The following GALNT7 variants were observed in gnomAD, a reference collection of about 807,000 sequenced individuals.
The protein encoded by GALNT7 is N-acetylgalactosaminyltransferase 7.
In GALNT7, 60 loss-of-function variants were observed where a neutral mutation model predicts 82.1. The observed-to-expected ratio is 0.73, with a 90% CI of 0.59 to 0.91. The LOEUF (loss-of-function observed/expected upper bound fraction) is 0.91. GALNT7 is among the 40% of genes least tolerant of loss of function. The pLI is 0.00. For synonymous variants in GALNT7, 243 were observed against 275.1 expected, an observed-to-expected ratio of 0.88 and a Z score of 1.15; for missense variants, 660 against 804.2, an observed-to-expected ratio of 0.82 and a Z score of 2.17.
intron 1 of GALNT7, among the ~76,000 whole-genome samples, chr4:173,202,961 A>T (rs996077331): frequency 6.6e-6 from 1 of 151,916 alleles, no homozygotes; most frequent in African/African-American, 2.4e-5. Flanking sequence ...ATTTTATCTG[A>T]TACAAATATA....
intron 1 of GALNT7, among the ~76,000 whole-genome samples, chr4:173,224,569 A>G (rs1733742757): frequency 6.6e-6 from 1 of 152,204 alleles, no homozygotes; most frequent in African/African-American, 2.4e-5. Context: ...TTTAACATTA[A>G]TTTTAAAAAT....
At chr4:173,236,326 A>G (rs1734229745) in intron 1 of GALNT7, among the ~76,000 whole-genome samples, 2 of 152,218 alleles carry the variant, frequency 1.3e-5, no homozygotes, top group East Asian at 3.9e-4. Flanking sequence ...TGTTACTTCA[A>G]CATCATGACT....
At chr4:173,304,234 T>G (rs968204279) in intron 8 of GALNT7, 116 bp downstream of exon 8, 2 of 756,960 alleles carry the variant, frequency 2.6e-6, no homozygotes, top group African/African-American at 3.6e-5. Context: ...GTCATGTTGA[T>G]TCTCACCTTT....
chr4:173,277,813 T>C (rs1735968306), intron 2 of GALNT7, among the ~76,000 whole-genome samples: 1 of 152,222 alleles, frequency 6.6e-6, no homozygotes, highest in South Asian at 2.1e-4. Context: ...GTGCAATACT[T>C]TTTTGTTTCC....
chr4:173,265,449 G>A (rs773404930), intron 2 of GALNT7, among the ~76,000 whole-genome samples: 9 of 151,988 alleles, frequency 5.9e-5, no homozygotes, highest in African/African-American at 9.7e-5. Context: ...TTATCATCCC[G>A]TATATTTCCT....
chr4:173,317,587 A>G (rs1336331838), intron 9 of GALNT7, 47 bp from the exon 10 acceptor site: 6 of 1,191,192 alleles, frequency 5.0e-6, no homozygotes, highest in South Asian at 2.4e-5. Flanking sequence ...GAGTTCATCA[A>G]AAACTAAACT....
intron 9 of GALNT7, 60 bp downstream of exon 9, chr4:173,314,236 A>G (rs1207938163): frequency 4.5e-6 from 5 of 1,122,412 alleles, no homozygotes; most frequent in Non-Finnish European, 6.8e-6. Context: ...GAAGGCAGAG[A>G]GAGGTGGAAA....
At chr4:173,235,792 GAT>G in intron 1 of GALNT7, among the ~76,000 whole-genome samples, 1 of 152,116 alleles carries the variant, frequency 6.6e-6, no homozygotes, top group South Asian at 2.1e-4. Context: ...CTGACCTCGT[GAT>G]CTGTCTGCCT....
intron 2 of GALNT7, among the ~76,000 whole-genome samples, chr4:173,249,559 A>G (rs971902203): frequency 2.0e-5 from 3 of 152,196 alleles, no homozygotes; most frequent in Non-Finnish European, 4.4e-5. Flanking sequence ...GCTGTGAAGG[A>G]AGAATCTTAG....
At chr4:173,228,045 T>C (rs1733894699) in intron 1 of GALNT7, among the ~76,000 whole-genome samples, 1 of 152,090 alleles carries the variant, frequency 6.6e-6, no homozygotes, top group Non-Finnish European at 1.5e-5. Flanking sequence ...AGCCAACAAA[T>C]TTTATAGCTT....
chr4:173,262,275 A>C (rs1000162464), intron 2 of GALNT7, among the ~76,000 whole-genome samples: 1 of 152,214 alleles, frequency 6.6e-6, no homozygotes, highest in African/African-American at 2.4e-5. Flanking sequence ...GCAATATAGA[A>C]TCTGAAAGCA....
At chr4:173,235,056 G>A (rs181891289) in intron 1 of GALNT7, among the ~76,000 whole-genome samples, 3 of 152,172 alleles carry the variant, frequency 2.0e-5, no homozygotes, top group East Asian at 1.9e-4. Flanking sequence ...ACAAATGGGC[G>A]AAGACACTAA....
At chr4:173,303,220 G>A (rs777263699) in intron 7 of GALNT7, among the ~76,000 whole-genome samples, 3 of 152,028 alleles carry the variant, frequency 2.0e-5, no homozygotes, top group African/African-American at 2.4e-5. Context: ...AAGAGCGAGC[G>A]TTATGCTAGA....
intron 8 of GALNT7, among the ~76,000 whole-genome samples, chr4:173,311,349 T>G (rs1737373485): frequency 6.6e-6 from 1 of 152,180 alleles, no homozygotes; most frequent in Non-Finnish European, 1.5e-5. Flanking sequence ...ATTCAGAATG[T>G]TTAGTGGTAT....
chr4:173,268,726 A>C (rs1289313621), intron 2 of GALNT7, among the ~76,000 whole-genome samples: 1 of 149,184 alleles, frequency 6.7e-6, no homozygotes, highest in Admixed American at 6.7e-5. Flanking sequence ...TTTTTAGTAG[A>C]GATGGGGTTT....
intron 9 of GALNT7, chr4:173,317,278 G>A (rs1737639017): frequency 4.7e-6 from 1 of 213,998 alleles, no homozygotes; most frequent in Non-Finnish European, 9.5e-6. Flanking sequence ...AGATATCTAG[G>A]GCCAGGCCAG....
At chr4:173,307,565 T>C (rs1476677121) in intron 8 of GALNT7, among the ~76,000 whole-genome samples, 1 of 152,152 alleles carries the variant, frequency 6.6e-6, no homozygotes, top group Non-Finnish European at 1.5e-5. Context: ...AAGTAGCTTT[T>C]AGAGCCAAGG....
chr4:173,280,170 A>G (rs980885561), intron 2 of GALNT7, among the ~76,000 whole-genome samples: 1 of 152,200 alleles, frequency 6.6e-6, no homozygotes, highest in African/African-American at 2.4e-5. Flanking sequence ...GGAGCGAGAG[A>G]TGAGTAACTT....
chr4:173,194,029 C>A (rs1175946049), intron 1 of GALNT7, among the ~76,000 whole-genome samples: 1 of 152,046 alleles, frequency 6.6e-6, no homozygotes, highest in Non-Finnish European at 1.5e-5. Context: ...CTTTAGTTTT[C>A]AATTTTCCTA....
Sources: gnomAD v4.1 joint callset for allele counts (sites outside exome capture counted in the v4.1 genomes callset) on GRCh38, gnomAD v4.1.1 for gene constraint, MANE v1.5 for transcripts, NCBI Gene and HGNC (gene_info 2026-07-23, HGNC 2026-07-21) for gene names.